Variants in REPS2 observed in about 807,000 individuals in gnomAD.
REPS2 encodes the protein RALBP1 associated Eps domain containing 2, also known as ralBP1-associated Eps domain-containing protein 2.
A neutral mutation model predicts 53.6 loss-of-function variants in REPS2; 23 were observed. That is an observed-to-expected ratio of 0.43 (90% CI 0.31 to 0.61). The LOEUF (loss-of-function observed/expected upper bound fraction) is 0.61. Among genes scored for constraint, REPS2 ranks in the 20% least tolerant of loss-of-function variants. The pLI is 0.11. For synonymous variants in REPS2, 238 were observed against 218.6 expected, an observed-to-expected ratio of 1.09 and a Z score of -0.78; for missense variants, 446 against 534.9, an observed-to-expected ratio of 0.83 and a Z score of 1.64.
intron 1 of REPS2, among the ~76,000 whole-genome samples, chrX:17,003,057 C>T (rs1168123513): frequency 2.7e-5 from 3 of 111,578 alleles, no homozygotes; most frequent in Non-Finnish European, 5.6e-5. Context: ...GAGCATATAG[C>T]AGGCATAGTA....
chrX:16,964,153 T>C (rs1300196889), intron 1 of REPS2, among the ~76,000 whole-genome samples: 1 of 106,858 alleles, frequency 9.4e-6, no homozygotes, highest in African/African-American at 3.4e-5. Flanking sequence ...GGTCTCTGGT[T>C]TTCCTAGGCA....
chrX:17,054,741 A>C, intron 7 of REPS2, 67 bp from the exon 8 acceptor site: 1 of 1,119,147 alleles, frequency 8.9e-7, no homozygotes, highest in Admixed American at 2.3e-5. Context: ...TTTTATTGGC[A>C]CGTTTGGGCC....
At chrX:16,969,552 C>T (rs765050514) in intron 1 of REPS2, among the ~76,000 whole-genome samples, 3 of 109,601 alleles carry the variant, frequency 2.7e-5, no homozygotes, top group East Asian at 5.9e-4. Context: ...AGCGAAACCC[C>T]GTCTCCACCA....
At position 17,022,104 on chromosome X, in the gene REPS2, C is replaced by T; in HGVS notation, c.398-19C>T. ...TAAATTAAGTCTGACTAGAGCTTCT[C>T]TGATTTCTGGTCCCAAAGAATTGCC... On this transcript the variant is annotated intron_variant, in intron 2 of 17. Transcript: ENST00000357277. 4 of 1,192,244 alleles carry T rather than the reference C, an allele frequency of 3.4e-6. No homozygotes were observed. Among genetic ancestry groups the T allele is most frequent in the Middle Eastern group, 2.4e-4 (1 of 4,172 alleles).
intron 12 of REPS2, among the ~76,000 whole-genome samples, chrX:17,076,685 A>T (rs2062385970): frequency 8.9e-6 from 1 of 112,201 alleles, no homozygotes; most frequent in African/African-American, 3.2e-5. Context: ...ATGCCTTGCT[A>T]TAGATTGAGG....
At chrX:17,142,097 G>A (rs1394419620) in intron 17 of REPS2, among the ~76,000 whole-genome samples, 1 of 111,819 alleles carries the variant, frequency 8.9e-6, no homozygotes, top group African/African-American at 3.2e-5. Context: ...TTTGACAAAG[G>A]TGCAAAATCG....
intron 1 of REPS2, among the ~76,000 whole-genome samples, chrX:16,957,743 T>C (rs1216776552): frequency 8.9e-6 from 1 of 112,227 alleles, no homozygotes; most frequent in Non-Finnish European, 1.9e-5. Context: ...TTAGCCTCTT[T>C]TATTTTTTGT....
At chrX:17,018,212 C>CTTTTTTT (rs200578522) in intron 2 of REPS2, among the ~76,000 whole-genome samples, 4 of 92,295 alleles carry the variant, frequency 4.3e-5, no homozygotes, top group Admixed American at 1.2e-4. Context: ...TGGCAACTGC[C>CTTTTTTT]TTTTTTTTTT....
At chrX:17,085,299 T>C (rs2062518113) in intron 13 of REPS2, among the ~76,000 whole-genome samples, 1 of 112,101 alleles carries the variant, frequency 8.9e-6, no homozygotes, top group African/African-American at 3.2e-5. Context: ...GTTTTGAAAT[T>C]GCGAAGCGTG....
At chrX:17,045,105 A>AT (rs34381370) in intron 5 of REPS2, among the ~76,000 whole-genome samples, 3 of 104,412 alleles carry the variant, frequency 2.9e-5, no homozygotes, top group South Asian at 8.3e-4. Context: ...AATTTTTTGT[A>AT]TTTTTTTAGT....
chrX:17,102,600 T>C (rs192171067), intron 13 of REPS2, among the ~76,000 whole-genome samples: 30 of 112,233 alleles, frequency 2.7e-4, no homozygotes, highest in Admixed American at 2.6e-3. Context: ...AGAGAAATCA[T>C]AGATAGGCCA....
At chrX:17,136,231 G>A (rs1031089792) in intron 16 of REPS2, 37 of 112,051 alleles carry the variant, frequency 3.3e-4, no homozygotes, top group African/African-American at 1.1e-3. Context: ...CTGCTTACAC[G>A]TTGTAGAATG....
chrX:17,104,939 C>T (rs1345996894), intron 14 of REPS2, among the ~76,000 whole-genome samples: 1 of 111,593 alleles, frequency 9.0e-6, no homozygotes, highest in Non-Finnish European at 1.9e-5. Flanking sequence ...TGAGCATCTC[C>T]AATAAATCAG....
intron 1 of REPS2, among the ~76,000 whole-genome samples, chrX:16,966,563 A>G (rs986115201): frequency 8.9e-6 from 1 of 112,514 alleles, no homozygotes; most frequent in Non-Finnish European, 1.9e-5. Context: ...GCATGAAACA[A>G]AATTTTGACT....
At position 17,087,053 on chromosome X, in the gene REPS2, A is replaced by G. The variant is rs375332435; in HGVS notation, c.1516+9646A>G. Reference sequence around the variant, plus strand: ...GTGGATTTGTGGGCAGGGGGTGCACAGGGCTGGTGAGCTAAACTTTGAAGG... The same window carrying G: ...GTGGATTTGTGGGCAGGGGGTGCACGGGGCTGGTGAGCTAAACTTTGAAGG... On this transcript the variant is annotated intron_variant, in intron 13 of 17. Transcript: ENST00000357277. Among the ~76,000 whole-genome samples the G allele has an allele frequency of 2.7e-5, 3 of 112,240 alleles. No individual in the cohort carries two copies. The East Asian group carries it at 8.4e-4, about 31-fold the overall frequency.
At chrX:17,129,375 G>A (rs1368745656) in intron 14 of REPS2, among the ~76,000 whole-genome samples, 1 of 112,021 alleles carries the variant, frequency 8.9e-6, no homozygotes, top group Non-Finnish European at 1.9e-5. Context: ...CACACAGCCG[G>A]TTATCTTTGC....
chrX:16,966,124 G>T (rs185585801), intron 1 of REPS2, among the ~76,000 whole-genome samples: 11 of 111,896 alleles, frequency 9.8e-5, no homozygotes, highest in African/African-American at 3.3e-4. Flanking sequence ...GGGAGACCGT[G>T]GGGAGAGGGA....
chrX:16,947,450 C>T (rs1252866605), intron 1 of REPS2, among the ~76,000 whole-genome samples: 4 of 111,692 alleles, frequency 3.6e-5, no homozygotes, highest in South Asian at 3.8e-4. Context: ...TTGTCCTGTT[C>T]TGGAAGTGGT....
intron 1 of REPS2, among the ~76,000 whole-genome samples, chrX:16,974,511 C>A (rs999788790): frequency 3.6e-5 from 4 of 110,206 alleles, no homozygotes; most frequent in African/African-American, 1.3e-4. Context: ...AAAAAATTAG[C>A]CATGGCACCT....
Sources: gnomAD v4.1 joint callset for allele counts (sites outside exome capture counted in the v4.1 genomes callset) on GRCh38, gnomAD v4.1.1 for gene constraint, MANE v1.5 for transcripts, NCBI Gene and HGNC (gene_info 2026-07-23, HGNC 2026-07-21) for gene names.